Variants in EXOC4 observed in about 807,000 individuals in gnomAD.
The protein encoded by EXOC4 is exocyst complex component 4.
A neutral mutation model predicts 107.2 loss-of-function variants in EXOC4; 71 were observed. That is an observed-to-expected ratio of 0.66 (90% CI 0.55 to 0.81). The LOEUF (loss-of-function observed/expected upper bound fraction) is 0.81, where lower values mean the gene tolerates loss of function less well. Among genes scored for constraint, EXOC4 ranks in the 30% least tolerant of loss-of-function variants. EXOC4 has a pLI of 0.00. For synonymous variants in EXOC4, 456 were observed against 441.2 expected, an observed-to-expected ratio of 1.03 and a Z score of -0.42; for missense variants, 1,108 against 1,189.6, an observed-to-expected ratio of 0.93 and a Z score of 1.01.
intron 10 of EXOC4, among the ~76,000 whole-genome samples, chr7:133,686,496 C>T (rs1173691320): frequency 6.6e-6 from 1 of 152,186 alleles, no homozygotes; most frequent in Admixed American, 6.5e-5. Flanking sequence ...TGTCTGACGT[C>T]CTTCCTCAGG....
chr7:133,337,787 A>G (rs1179037456), intron 5 of EXOC4, among the ~76,000 whole-genome samples: 1 of 151,688 alleles, frequency 6.6e-6, no homozygotes, highest in Admixed American at 6.6e-5. Flanking sequence ...GTGTGCCATC[A>G]TGCTTGGCTA....
At chr7:133,651,706 A>T (rs2991242) in intron 10 of EXOC4, among the ~76,000 whole-genome samples, 64,420 of 151,956 alleles carry the variant, frequency 0.42, 14,564 homozygotes, top group Admixed American at 0.56. Context: ...ATTTTTTGAG[A>T]TGGAGTCTTG....
At chr7:133,280,135 T>A (rs1019592430) in intron 2 of EXOC4, among the ~76,000 whole-genome samples, 2 of 152,120 alleles carry the variant, frequency 1.3e-5, no homozygotes, top group Admixed American at 6.5e-5. Flanking sequence ...TTTAAAAAAA[T>A]TTTTTATAGA....
chr7:133,910,298 TCAAA>T (rs746196833), intron 12 of EXOC4, among the ~76,000 whole-genome samples: 1 of 152,204 alleles, frequency 6.6e-6, no homozygotes, highest in Non-Finnish European at 1.5e-5. Context: ...CTTTTAAGTG[TCAAA>T]CAGTTATGAT....
intron 9 of EXOC4, among the ~76,000 whole-genome samples, chr7:133,618,403 C>T (rs761455618): frequency 6.6e-6 from 1 of 151,794 alleles, no homozygotes; most frequent in Non-Finnish European, 1.5e-5. Flanking sequence ...GAGTAAATTC[C>T]TAGAACTGAA....
Position 133,817,352 on chromosome 7 carries a change from G to A in EXOC4, c.1542G>A (p.Leu514=). The A allele has an allele frequency of 1.2e-6, 2 of 1,613,818 alleles. No homozygotes were observed. Among genetic ancestry groups the A allele is most frequent in the Non-Finnish European group, 1.7e-6 (2 of 1,179,812 alleles). The part of the protein sequence containing the change: ...LRFIQEIEHA[L]GLGPAKQCPL... ...TTATTCAGGAGATTGAGCATGCTCT[G>A]GGTCTTGGCCCAGCCAAACAGTGTC... The change falls in exon 11 of 18, where the codon CTG becomes CTA. Residue 514 remains leucine (L), a synonymous_variant. Transcript: ENST00000253861.
intron 9 of EXOC4, among the ~76,000 whole-genome samples, chr7:133,557,726 C>T (rs1800720644): frequency 6.6e-6 from 1 of 152,140 alleles, no homozygotes; most frequent in Non-Finnish European, 1.5e-5. Context: ...CGCGGTGGCT[C>T]ACACCTGTAA....
chr7:133,311,716 C>T lies in EXOC4; in HGVS notation c.657-5568C>T, dbSNP rs375525433. Among the ~76,000 whole-genome samples the T allele has an allele frequency of 2.2e-4, 34 of 152,220 alleles. 1 individual carries two copies. The South Asian group carries it at 6.4e-3, about 29-fold the overall frequency. ...AAACAGAGTCAAAGGATAAACTATA[C>T]TCTGAGGAAATATATGTATGTCATA... On this transcript the variant is annotated intron_variant, in intron 4 of 17. Transcript: ENST00000253861.
intron 9 of EXOC4, among the ~76,000 whole-genome samples, chr7:133,514,437 CA>C (rs1799834656): frequency 6.6e-6 from 1 of 152,182 alleles, no homozygotes; most frequent in Admixed American, 6.5e-5. Context: ...GCTGGGATTA[CA>C]GGCGTGAGCC....
the EXOC4 span, among the ~76,000 whole-genome samples, chr7:134,095,251 A>G: frequency 1.3e-5 from 2 of 152,104 alleles, no homozygotes; most frequent in Non-Finnish European, 2.9e-5. Flanking sequence ...TCCTAGGAAT[A>G]CGTATAACCA....
chr7:133,418,287 C>T (rs138799588), intron 7 of EXOC4, among the ~76,000 whole-genome samples: 1 of 152,296 alleles, frequency 6.6e-6, no homozygotes, highest in East Asian at 1.9e-4. Flanking sequence ...TTTCTCTTGC[C>T]TCATCTGAAT....
intron 7 of EXOC4, among the ~76,000 whole-genome samples, chr7:133,427,396 T>C (rs1797751320): frequency 6.6e-6 from 1 of 152,216 alleles, no homozygotes; most frequent in Non-Finnish European, 1.5e-5. Context: ...CATTTTGACA[T>C]GACAACCTTG....
chr7:133,950,080 A>C (rs1800655235), intron 14 of EXOC4, among the ~76,000 whole-genome samples: 1 of 152,142 alleles, frequency 6.6e-6, no homozygotes, highest in Non-Finnish European at 1.5e-5. Flanking sequence ...GCTAAAACAC[A>C]CAGTGTATGG....
chr7:133,968,378 C>T (rs1338379302), intron 14 of EXOC4, among the ~76,000 whole-genome samples: 1 of 152,158 alleles, frequency 6.6e-6, no homozygotes, highest in East Asian at 1.9e-4. Flanking sequence ...TTGATCCTGT[C>T]ATTATGATGC....
In EXOC4 at chr7:133,787,158, TTTTTTTTTTCTTTTC is replaced by T. The variant is rs1373745354; in HGVS notation, c.1515-30157_1515-30143del. Among the ~76,000 whole-genome samples, 284 of 117,356 alleles carry T rather than the reference TTTTTTTTTTCTTTTC, an allele frequency of 2.4e-3. 3 individuals are homozygous for T. The highest frequency in any genetic ancestry group is 0.023 in the South Asian group (74 of 3,282). The allele number at this position is 117,356 out of a possible 152,430, so 77.0% of individuals were successfully genotyped here. On this transcript the variant is annotated intron_variant, in intron 10 of 17. Transcript: ENST00000253861. ...TTTTTTTTTCTTGTTTTTTCTTTTC[TTTTTTTTTTCTTTTC>T]TTTTTTTTTTTGAGTCAGTGTCTTG...
At chr7:133,854,557 T>C (rs1044872818) in intron 11 of EXOC4, among the ~76,000 whole-genome samples, 8 of 152,034 alleles carry the variant, frequency 5.3e-5, no homozygotes, top group African/African-American at 1.7e-4. Context: ...TGATAAAAAC[T>C]GGCAAAGGGA....
chr7:133,486,678 T>C (rs1799275373), intron 9 of EXOC4, among the ~76,000 whole-genome samples: 1 of 152,202 alleles, frequency 6.6e-6, no homozygotes, highest in Non-Finnish European at 1.5e-5. Flanking sequence ...AAATAACTTT[T>C]AATCTTTCAT....
At chr7:133,797,608 G>T (rs1161657003) in intron 10 of EXOC4, among the ~76,000 whole-genome samples, 2 of 152,210 alleles carry the variant, frequency 1.3e-5, no homozygotes, top group African/African-American at 2.4e-5. Flanking sequence ...GAGCTTTATT[G>T]TCCTTTGGAA....
chr7:133,516,758 A>ATTTTGTTTTTTTTTTTTTTTTT (rs1799883343), intron 9 of EXOC4, among the ~76,000 whole-genome samples: 1 of 49,032 alleles, frequency 2.0e-5, no homozygotes, highest in Non-Finnish European at 3.9e-5. Context: ...CTAGCTGCTC[A>ATTTTGTTTTTTTTTTTTTTTTT]TTTTTTTTTT....
Sources: allele counts gnomAD v4.1 joint callset (sites outside exome capture counted in the v4.1 genomes callset), GRCh38; gene constraint gnomAD v4.1.1; transcripts MANE v1.5; gene names NCBI Gene and HGNC (gene_info 2026-07-23, HGNC 2026-07-21).